SCML4: variants seen among roughly 807,000 people sequenced by gnomAD.
SCML4 encodes the protein sex comb on midleg-like protein 4.
Under a neutral mutation model 41.1 loss-of-function variants are expected in SCML4, and 34 were observed. The observed-to-expected ratio is 0.83, with a 90% confidence interval of 0.63 to 1.10. The LOEUF is 1.10. Ranked by LOEUF, SCML4 falls within the 50% of genes least tolerant of loss-of-function variation. The pLI, the probability that SCML4 is intolerant of heterozygous loss-of-function variation, is 0.00. For synonymous variants in SCML4, 214 were observed against 220.9 expected (o/e 0.97, Z 0.28); for missense variants, 522 against 534.1 (o/e 0.98, Z 0.22).
chr6:107,802,708 TCCTCTC>T (rs1562273232), intron 1 of SCML4, among the ~76,000 whole-genome samples: 11 of 117,466 alleles, frequency 9.4e-5, no homozygotes, highest in Middle Eastern at 8.1e-3. Flanking sequence ...TCCCTCTCCC[TCCTCTC>T]CCTCTCCCTC....
chr6:107,709,861 C>G (rs1728120), intron 6 of SCML4, among the ~76,000 whole-genome samples: 1 of 152,072 alleles, frequency 6.6e-6, no homozygotes, highest in Non-Finnish European at 1.5e-5. Context: ...CAGGCGCCCA[C>G]CATCACGCCC....
rs753525164 is a variant in SCML4 at position 107,756,079 on chromosome 6, C to G, written c.157-6266G>C. On this transcript the variant is annotated intron_variant, in intron 2 of 7. Transcript: ENST00000369020. ...AATAAAAGGGAAAGAACAAACAACT[C>G]TCCCATGCATAAAAATTTCAAATAA... Among the ~76,000 whole-genome samples, 3 of 152,320 alleles carry G rather than the reference C, an allele frequency of 2.0e-5. No homozygotes were observed. In the South Asian group the frequency reaches 6.2e-4, roughly 32 times the overall value.
chr6:107,702,487 C>T lies in SCML4; in HGVS notation c.*2713G>A, dbSNP rs1198092181. Among the ~76,000 whole-genome samples, 4 of 152,086 alleles carry T rather than the reference C, an allele frequency of 2.6e-5. No homozygotes were observed. The highest frequency in any genetic ancestry group is 4.4e-5 in the Non-Finnish European group (3 of 68,030). ...TTTGAAAACTTGATACTGGAAGTCA[C>T]TACATGAGGTATCTGTTGATGGAAG... On this transcript the variant is annotated 3_prime_UTR_variant, in exon 8 of 8. Transcript: ENST00000369020.
the SCML4 span, among the ~76,000 whole-genome samples, chr6:107,838,070 G>A: frequency 6.6e-6 from 1 of 152,024 alleles, no homozygotes; most frequent in African/African-American, 2.4e-5. Flanking sequence ...ACCATGCCCA[G>A]CTAATTTTTG....
chr6:107,772,763 T>G (rs1780622401), intron 1 of SCML4, among the ~76,000 whole-genome samples: 1 of 152,198 alleles, frequency 6.6e-6, no homozygotes, highest in Non-Finnish European at 1.5e-5. Context: ...TAATATTAAA[T>G]AAACAAAGCC....
At chr6:107,803,473 GGGGCGCCTCTGCCC>G (rs1783444841) in intron 1 of SCML4, among the ~76,000 whole-genome samples, 1 of 149,928 alleles carries the variant, frequency 6.7e-6, no homozygotes, top group Admixed American at 6.6e-5. Context: ...CGGGAGGTGA[GGGGCGCCTCTGCCC>G]GGCCGCCCCT....
chr6:107,799,047 TC>T (rs1334758248), intron 1 of SCML4, among the ~76,000 whole-genome samples: 6 of 152,170 alleles, frequency 3.9e-5, no homozygotes, highest in Non-Finnish European at 1.5e-5. Flanking sequence ...ATTCTGTAGT[TC>T]TATAGTGTTC....
chr6:107,749,290 G>A (rs933810657), intron 3 of SCML4, among the ~76,000 whole-genome samples: 4 of 152,032 alleles, frequency 2.6e-5, no homozygotes, highest in African/African-American at 9.7e-5. Context: ...GGGCGAATGG[G>A]ATCCTTAGGA....
the SCML4 span, among the ~76,000 whole-genome samples, chr6:107,832,448 C>T: frequency 6.6e-6 from 1 of 152,144 alleles, no homozygotes; most frequent in Non-Finnish European, 1.5e-5. Context: ...AGAGCCTCTC[C>T]AGGTAACTTC....
intron 1 of SCML4, among the ~76,000 whole-genome samples, chr6:107,794,326 A>G (rs1782556310): frequency 6.6e-6 from 1 of 152,226 alleles, no homozygotes; most frequent in African/African-American, 2.4e-5. Context: ...ATCATGATAA[A>G]TTCATATCCT....
At chr6:107,831,020 A>T in the SCML4 span, among the ~76,000 whole-genome samples, 1 of 152,178 alleles carries the variant, frequency 6.6e-6, no homozygotes. Context: ...GTCTCAGTCA[A>T]ACCTCTATGT....
chr6:107,715,977 G>T (rs1774744612), intron 6 of SCML4, among the ~76,000 whole-genome samples: 1 of 108,242 alleles, frequency 9.2e-6, no homozygotes, highest in African/African-American at 3.6e-5. Flanking sequence ...GAGCAATATT[G>T]AACAGTCATT....
At chr6:107,764,259 A>T (rs1290004635) in intron 2 of SCML4, among the ~76,000 whole-genome samples, 1 of 152,230 alleles carries the variant, frequency 6.6e-6, no homozygotes, top group Non-Finnish European at 1.5e-5. Flanking sequence ...AACACCCAAG[A>T]GATGGAAGGG....
At chr6:107,773,507 G>T (rs771362561) in intron 1 of SCML4, among the ~76,000 whole-genome samples, 4 of 143,450 alleles carry the variant, frequency 2.8e-5, no homozygotes, top group Admixed American at 7.4e-5. Flanking sequence ...CAGGAGAATT[G>T]CTTGAACCAG....
At chr6:107,781,346 G>A (rs963414860) in intron 1 of SCML4, among the ~76,000 whole-genome samples, 1 of 152,138 alleles carries the variant, frequency 6.6e-6, no homozygotes, top group African/African-American at 2.4e-5. Flanking sequence ...ATGATAAGCA[G>A]GCCAAAAGAG....
At chr6:107,751,597 T>TCTTTCTTTCTTTC (rs1778650304) in intron 2 of SCML4, among the ~76,000 whole-genome samples, 1 of 138,818 alleles carries the variant, frequency 7.2e-6, no homozygotes, top group Non-Finnish European at 1.5e-5. Context: ...TTTCTTTCTT[T>TCTTTCTTTCTTTC]CTTTCTTTCT....
intron 6 of SCML4, among the ~76,000 whole-genome samples, chr6:107,718,035 C>A (rs1775005538): frequency 2.6e-5 from 4 of 152,174 alleles, no homozygotes; most frequent in Admixed American, 2.6e-4. Flanking sequence ...AGCAGAGAGG[C>A]TTTCTCAGAG....
chr6:107,814,267 C>T (rs530002448), intron 1 of SCML4, among the ~76,000 whole-genome samples: 7 of 152,294 alleles, frequency 4.6e-5, no homozygotes, highest in South Asian at 4.1e-4. Context: ...AAAAGTTAAC[C>T]GTGGAGCCAC....
chr6:107,786,111 A>G (rs556546639), intron 1 of SCML4, among the ~76,000 whole-genome samples: 95 of 152,306 alleles, frequency 6.2e-4, no homozygotes, highest in African/African-American at 2.1e-3. Flanking sequence ...CAAGTCTAAG[A>G]AAGTCTTCTG....
Sources: gnomAD v4.1 joint callset for allele counts (sites outside exome capture counted in the v4.1 genomes callset) on GRCh38, gnomAD v4.1.1 for gene constraint, MANE v1.5 for transcripts, NCBI Gene and HGNC (gene_info 2026-07-23, HGNC 2026-07-21) for gene names.